The following LRRK2 variants were observed in gnomAD, a reference collection of about 807,000 sequenced individuals.
LRRK2 encodes leucine-rich repeat serine/threonine-protein kinase 2.
Under a neutral mutation model 302.6 loss-of-function variants are expected in LRRK2, and 203 were observed. The observed-to-expected ratio is 0.67, with a 90% CI of 0.60 to 0.75. The LOEUF (loss-of-function observed/expected upper bound fraction) is 0.75. Ranked by LOEUF, LRRK2 falls within the 30% of genes least tolerant of loss-of-function variation. LRRK2 has a pLI of 0.00. For missense variants in LRRK2, 2,830 were observed against 2,951.0 expected (o/e 0.96, Z 0.95); for synonymous variants, 1,066 against 1,031.9 (o/e 1.03, Z -0.63).
chr12:40,303,711 G>A (rs1259413707), intron 26 of LRRK2, among the ~76,000 whole-genome samples: 1 of 151,932 alleles, frequency 6.6e-6, no homozygotes, highest in Non-Finnish European at 1.5e-5. Flanking sequence ...AATGCCCTAC[G>A]ATAGCCACTG....
intron 41 of LRRK2, among the ~76,000 whole-genome samples, chr12:40,341,298 G>A (rs536369318): frequency 2.6e-5 from 4 of 152,246 alleles, no homozygotes; most frequent in South Asian, 4.1e-4. Flanking sequence ...TTAAATCACC[G>A]TGCCTGGCAC....
intron 18 of LRRK2, among the ~76,000 whole-genome samples, chr12:40,283,085 C>T (rs1565710384): frequency 6.6e-6 from 1 of 152,170 alleles, no homozygotes; most frequent in South Asian, 2.1e-4. Context: ...GAATTTAGCA[C>T]AGTAACTGAT....
In LRRK2 at chr12:40,249,924, C is replaced by T. The variant is rs1565679753; in HGVS notation, c.937C>T (p.Leu313Phe). The change falls in exon 8 of 51, where the codon CTC becomes TTC. Residue 313 changes from leucine (L) to phenylalanine (F), a missense_variant. Physicochemically the swap from Leu to Phe is conservative, Grantham distance 22 (BLOSUM62 0). Transcript: ENST00000298910. ...PENAALQISALSCLALLTETI... is the reference protein window; with the variant it reads ...PENAALQISAFSCLALLTETI... The stretch of plus-strand genomic sequence containing the variant: ...GAATGCAGCATTGCAGATCTCAGCG[C>T]TCAGCTGTTTGGCCCTCCTCAGTAA... 1.2e-6 allele frequency: 2 copies of T among 1,613,700 alleles called. No individual in the cohort carries two copies. The highest frequency in any genetic ancestry group is 1.7e-6 in the Non-Finnish European group (2 of 1,179,824).
At chr12:40,294,149 ATCT>A (rs1944283854) in intron 21 of LRRK2, among the ~76,000 whole-genome samples, 5 of 139,460 alleles carry the variant, frequency 3.6e-5, no homozygotes, top group Non-Finnish European at 7.8e-5. Flanking sequence ...CTATCTATCT[ATCT>A]ATCTATCTAT....
rs201587002 is a variant in LRRK2 at position 40,309,116 on chromosome 12, A to G, written c.4200A>G (p.Glu1400=). ...LNVWDFAGRE[E]FYSTHPHFMT... is the part of the protein sequence containing the mutation. ...CTAATCTTTATTTAGGTCGTGAGGA[A>G]TTCTATAGTACTCATCCCCATTTTA... Residue 1400 remains glutamate, a synonymous_variant, in exon 30 of 51, where the codon GAA becomes GAG. Coordinates refer to ENST00000298910, the MANE Select transcript of LRRK2 (RefSeq NM_198578.4). 5.6e-5 allele frequency: 91 copies of G among 1,613,604 alleles called. No individual in the cohort carries two copies. The highest frequency in any genetic ancestry group is 7.0e-5 in the Non-Finnish European group (83 of 1,179,806).
At chr12:40,335,236 C>T (rs1945833391) in intron 40 of LRRK2, 79 bp downstream of exon 40, 1 of 1,401,678 alleles carries the variant, frequency 7.1e-7, no homozygotes, top group Admixed American at 1.8e-5. Context: ...AGAACACTTC[C>T]CAGTAACACT....
chr12:40,259,336 A>G, intron 12 of LRRK2, 144 bp from the exon 13 acceptor site: 1 of 942,392 alleles, frequency 1.1e-6, no homozygotes, highest in Non-Finnish European at 1.7e-6. Context: ...ATGTATGCTC[A>G]TACTACTGAT....
At chr12:40,361,115 C>A (rs1486117720) in intron 47 of LRRK2, among the ~76,000 whole-genome samples, 1 of 151,966 alleles carries the variant, frequency 6.6e-6, no homozygotes, top group Non-Finnish European at 1.5e-5. Flanking sequence ...ACCAGTTAAG[C>A]CTGGGATGGG....
At chr12:40,359,717 A>G (rs1055562736) in intron 47 of LRRK2, among the ~76,000 whole-genome samples, 1 of 152,158 alleles carries the variant, frequency 6.6e-6, no homozygotes, top group African/African-American at 2.4e-5. Flanking sequence ...TAAATTTTTT[A>G]ACAATTTTTA....
intron 5 of LRRK2, among the ~76,000 whole-genome samples, chr12:40,239,640 C>T (rs1037397203): frequency 2.6e-5 from 4 of 152,040 alleles, no homozygotes; most frequent in Non-Finnish European, 5.9e-5. Context: ...TCAGGTTCTC[C>T]AGGACTCAGG....
intron 39 of LRRK2, 147 bp from the exon 40 acceptor site, chr12:40,334,820 A>G: frequency 1.0e-6 from 1 of 956,958 alleles, no homozygotes; most frequent in Non-Finnish European, 1.6e-6. Flanking sequence ...AATACGGGAA[A>G]AAAAACTCAG....
At position 40,310,537 on chromosome 12, in the gene LRRK2, A is replaced by G. The variant is rs1416490849; in HGVS notation, c.4424A>G (p.Asn1475Ser). ...CMSKITKELL[N>S]KRGFPAIRDY... ...AGTAAAATCACCAAGGAACTCCTGA[A>G]TAAGCGAGGGTTCCCTGCCATACGA... The change falls in exon 31 of 51, where the codon AAT becomes AGT. Residue 1475 changes from asparagine (N) to serine (S), a missense_variant. Physicochemically the swap from Asn to Ser is conservative, Grantham distance 46. Around this residue, in one of 3 missense-constraint regions of LRRK2, gnomAD observed 2,121 missense variants for 2,148.0 expected, o/e 0.99. Transcript: ENST00000298910. 6.2e-7 allele frequency: 1 copy of G among 1,612,504 alleles called. No individual in the cohort carries two copies. The highest frequency in any genetic ancestry group is 8.5e-7 in the Non-Finnish European group (1 of 1,179,636).
intron 11 of LRRK2, among the ~76,000 whole-genome samples, chr12:40,254,987 G>A (rs556913266): frequency 6.6e-6 from 1 of 152,206 alleles, no homozygotes; most frequent in Non-Finnish European, 1.5e-5. Flanking sequence ...TAGAAAAAAT[G>A]GCTACATTGG....
chr12:40,353,158 T>C (rs10878413), intron 44 of LRRK2, among the ~76,000 whole-genome samples: 114,096 of 148,102 alleles, frequency 0.77, 44,610 homozygotes, highest in Non-Finnish European at 0.86. Flanking sequence ...GGGCGGCTGC[T>C]GGGCGGAGGG....
At chr12:40,311,418 A>G (rs988621434) in intron 31 of LRRK2, among the ~76,000 whole-genome samples, 1 of 152,128 alleles carries the variant, frequency 6.6e-6, no homozygotes, top group Non-Finnish European at 1.5e-5. Flanking sequence ...TGTAAACTGT[A>G]CTGAAAAATA....
chr12:40,242,122 T>A (rs1473404434), intron 6 of LRRK2, among the ~76,000 whole-genome samples: 1 of 152,132 alleles, frequency 6.6e-6, no homozygotes, highest in East Asian at 1.9e-4. Flanking sequence ...CAGCTAAAAA[T>A]TAAGAAATCA....
chr12:40,234,536 G>A lies in LRRK2; in HGVS notation c.348-1090G>A, dbSNP rs1207471784. Among the ~76,000 whole-genome samples the A allele has an allele frequency of 2.6e-5, 4 of 151,336 alleles. No individual in the cohort carries two copies. The East Asian group carries it at 5.8e-4, about 22-fold the overall frequency. On this transcript the variant is annotated intron_variant, in intron 3 of 50. Coordinates refer to ENST00000298910, the MANE Select transcript of LRRK2 (RefSeq NM_198578.4). ...TGGGACTGCAGGAGTACGCCACCAC[G>A]CCCAGCTAATTTTTGTATTTTTAGT...
chr12:40,295,793 A>C (rs1038033038), intron 23 of LRRK2, 149 bp downstream of exon 23: 1 of 687,650 alleles, frequency 1.5e-6, no homozygotes, highest in Non-Finnish European at 2.5e-6. Flanking sequence ...TTGCACACAT[A>C]TCTTAGTCTG....
chr12:40,308,756 A>G, intron 29 of LRRK2, 60 bp downstream of exon 29: 2 of 1,464,342 alleles, frequency 1.4e-6, no homozygotes, highest in Non-Finnish European at 1.9e-6. Flanking sequence ...ACAGGGATTC[A>G]AAAACTGAGC....
Sources: gnomAD v4.1 joint callset for allele counts (sites outside exome capture counted in the v4.1 genomes callset) on GRCh38, gnomAD v4.1.1 for gene constraint, gnomAD v4.1.1 regional missense constraint, MANE v1.5 for transcripts, NCBI Gene and HGNC (gene_info 2026-07-23, HGNC 2026-07-21) for gene names.